Variants in ADAMTS2 observed in about 807,000 individuals in gnomAD.
ADAMTS2 encodes ADAM metallopeptidase with thrombospondin type 1 motif 2, also known as A disintegrin and metalloproteinase with thrombospondin motifs 2.
ADAMTS2 carries 50 observed loss-of-function variants against 123.0 expected under a neutral mutation model. The ratio of observed to expected loss-of-function variants is 0.41; its 90% CI spans 0.32 to 0.51. The LOEUF (loss-of-function observed/expected upper bound fraction) is 0.51, where lower values mean the gene tolerates loss of function less well. Ranked by LOEUF, ADAMTS2 falls within the 20% of genes least tolerant of loss-of-function variation. The pLI, the probability that ADAMTS2 is intolerant of heterozygous loss-of-function variation, is 0.35. For synonymous variants in ADAMTS2, 678 were observed against 695.4 expected (o/e 0.98, Z 0.39); for missense variants, 1,494 against 1,705.2 (o/e 0.88, Z 2.18).
Position 179,125,017 on chromosome 5 carries a change from G to C in ADAMTS2, c.2914C>G (p.Arg972Gly), listed in dbSNP as rs867846785. 1 of 1,556,274 alleles carries C rather than the reference G, an allele frequency of 6.4e-7. No homozygotes were observed. The highest frequency in any genetic ancestry group is 2.5e-5 in the East Asian group (1 of 40,646). Residue 972 changes from arginine to glycine, a missense_variant, in exon 19 of 22, where the codon CGC (arginine) becomes GGC (glycine). Arg to Gly is a moderately radical substitution (Grantham distance 125, BLOSUM62 -2). Around this residue, in one of 6 missense-constraint regions of ADAMTS2, gnomAD observed 953 missense variants for 1,124.7 expected, o/e 0.85. Transcript: ENST00000251582. ...CGCCAACGACCAGGGCAGAGCTCGC[G>C]GCTGCAGGCCCGGCGGCTCTCGGGC... ...ARPESRRACS[R>G]ELCPGRWRAG...
At position 179,175,495 on chromosome 5, in the gene ADAMTS2, C is replaced by T. The variant is rs781235448; in HGVS notation, c.975+5577G>A. 1.2e-3 allele frequency among the ~76,000 whole-genome samples: 186 copies of T among 152,346 alleles called. No individual in the cohort carries two copies. The highest frequency in any genetic ancestry group is 2.2e-3 in the Non-Finnish European group (150 of 68,038). On this transcript the variant is annotated intron_variant, in intron 5 of 21. Transcript: ENST00000251582. This position sits in a 1 kb window ranked among gnomAD's most constrained non-coding sequence, Gnocchi z 4.1. ...CAGGTACAATTTCCTTCCAATGGGT[C>T]CATTGTCTTGTCAGGACTATTCCAG... is the stretch of plus-strand genomic sequence containing the variant.
Position 179,164,761 on chromosome 5 carries a change from C to T in ADAMTS2, c.976-5882G>A, listed in dbSNP as rs1034413272. On this transcript the variant is annotated intron_variant, in intron 5 of 21. Coordinates refer to ENST00000251582, the MANE Select transcript of ADAMTS2 (RefSeq NM_014244.5). Reference sequence around the variant, plus strand: ...ATGTTAGGCCCATGGAGCACAGGTTCGAAAGGACTGAAAACTGGCTGAAGT... The same window carrying T: ...ATGTTAGGCCCATGGAGCACAGGTTTGAAAGGACTGAAAACTGGCTGAAGT... Among the ~76,000 whole-genome samples, 4 of 152,138 alleles carry T rather than the reference C, an allele frequency of 2.6e-5. No homozygotes were observed. In the East Asian group the frequency reaches 5.8e-4, roughly 22 times the overall value.
At chr5:179,211,681 G>T (rs1764852650) in intron 3 of ADAMTS2, among the ~76,000 whole-genome samples, 2 of 152,240 alleles carry the variant, frequency 1.3e-5, no homozygotes, top group African/African-American at 4.8e-5. Context: ...GGAGGCAGCA[G>T]TTCTGTCCAG....
rs937843684 is a variant in ADAMTS2 at position 179,155,559 on chromosome 5, C to T, written c.1133-640G>A. ...GTGCGGACTGGGAGGTCAGAGCCGC[C>T]GTAGAAGATGAGGCCAGTGGCCTAC... On this transcript the variant is annotated intron_variant, in intron 6 of 21. Coordinates refer to ENST00000251582, the MANE Select transcript of ADAMTS2 (RefSeq NM_014244.5). This position sits in a 1 kb window ranked among gnomAD's most constrained non-coding sequence, Gnocchi z 5.1. 2.6e-5 allele frequency among the ~76,000 whole-genome samples: 4 copies of T among 152,154 alleles called. No homozygotes were observed. Among genetic ancestry groups the T allele is most frequent in the African/African-American group, 4.8e-5 (2 of 41,442 alleles).
intron 2 of ADAMTS2, among the ~76,000 whole-genome samples, chr5:179,311,782 C>T (rs1489199526): frequency 1.3e-5 from 2 of 152,176 alleles, no homozygotes; most frequent in East Asian, 3.9e-4. Flanking sequence ...GGCTATCACC[C>T]CCCACTCGCC....
chr5:179,302,707 C>T (rs994434259), intron 2 of ADAMTS2, among the ~76,000 whole-genome samples: 10 of 151,742 alleles, frequency 6.6e-5, no homozygotes, highest in African/African-American at 1.7e-4. Flanking sequence ...GTGAGGACAA[C>T]AGCACAGAGT....
intron 3 of ADAMTS2, among the ~76,000 whole-genome samples, chr5:179,209,383 G>A (rs1377819598): frequency 2.6e-5 from 4 of 152,186 alleles, no homozygotes; most frequent in Non-Finnish European, 5.9e-5. Flanking sequence ...GGAGGTGCGA[G>A]GCGGAGGGTG....
At chr5:179,327,416 T>G (rs1463431918) in intron 2 of ADAMTS2, among the ~76,000 whole-genome samples, 2 of 152,186 alleles carry the variant, frequency 1.3e-5, no homozygotes, top group Non-Finnish European at 2.9e-5. Flanking sequence ...TCAGGGCATC[T>G]TTCAAAGACC....
At chr5:179,182,939 C>G (rs999790776) in intron 4 of ADAMTS2, among the ~76,000 whole-genome samples, 3 of 152,192 alleles carry the variant, frequency 2.0e-5, no homozygotes, top group Non-Finnish European at 4.4e-5. Context: ...CCCCAGGAAG[C>G]CTTGCCATTT....
chr5:179,153,099 G>A (rs1054364720), intron 9 of ADAMTS2, among the ~76,000 whole-genome samples: 5 of 152,226 alleles, frequency 3.3e-5, no homozygotes, highest in Non-Finnish European at 5.9e-5. Flanking sequence ...TGTGCCTGCC[G>A]CGCTCTCCTC....
chr5:179,211,769 G>A lies in ADAMTS2; in HGVS notation c.689-4054C>T, dbSNP rs1474661520. Among the ~76,000 whole-genome samples the A allele has an allele frequency of 5.3e-5, 8 of 152,314 alleles. No homozygotes were observed. In the East Asian group the frequency reaches 1.5e-3, roughly 29 times the overall value. The stretch of plus-strand genomic sequence containing the variant: ...GTGCCACAGTGCACAGGGCACGTGG[G>A]CAAGGGCTGCAACTGCCAGCATCCT... On this transcript the variant is annotated intron_variant, in intron 3 of 21. Transcript: ENST00000251582.
chr5:179,237,619 T>A (rs1366194257), intron 3 of ADAMTS2, among the ~76,000 whole-genome samples: 1 of 152,092 alleles, frequency 6.6e-6, no homozygotes, highest in African/African-American at 2.4e-5. Context: ...CTGGGGGAGA[T>A]GAGGCGATGT....
At chr5:179,145,154 G>A (rs182085593) in intron 10 of ADAMTS2, among the ~76,000 whole-genome samples, 4 of 152,132 alleles carry the variant, frequency 2.6e-5, no homozygotes, top group Non-Finnish European at 5.9e-5. Flanking sequence ...GTCATCATAG[G>A]TCACTAGGGA....
chr5:179,208,271 C>G (rs1168985836), intron 3 of ADAMTS2, among the ~76,000 whole-genome samples: 1 of 151,842 alleles, frequency 6.6e-6, no homozygotes, highest in African/African-American at 2.4e-5. Flanking sequence ...GAAACCGAGG[C>G]CCATCCTGGG....
chr5:179,265,262 A>G (rs1189981408), intron 3 of ADAMTS2, among the ~76,000 whole-genome samples: 1 of 152,242 alleles, frequency 6.6e-6, no homozygotes, highest in Non-Finnish European at 1.5e-5. Context: ...CCAAAGATCC[A>G]GGCCCTTGCC....
Position 179,181,932 on chromosome 5 carries a change from G to A in ADAMTS2, c.892-777C>T, listed in dbSNP as rs1230459257. ...CCAGAAACATAGGTCAGGTTATCCCGGGCTCGAGGCTGTCAGGGGCTTCCT... is the reference window on the plus strand; with the variant it reads ...CCAGAAACATAGGTCAGGTTATCCCAGGCTCGAGGCTGTCAGGGGCTTCCT... On this transcript the variant is annotated intron_variant, in intron 4 of 21. Coordinates refer to ENST00000251582, the MANE Select transcript of ADAMTS2 (RefSeq NM_014244.5). This position sits in a 1 kb window ranked among gnomAD's most constrained non-coding sequence, Gnocchi z 4.1. Among the ~76,000 whole-genome samples, 2 of 152,038 alleles carry A rather than the reference G, an allele frequency of 1.3e-5. No homozygotes were observed. Among genetic ancestry groups the A allele is most frequent in the South Asian group, 2.1e-4 (1 of 4,820 alleles).
intron 3 of ADAMTS2, among the ~76,000 whole-genome samples, chr5:179,223,239 C>A (rs928311360): frequency 6.6e-6 from 1 of 152,108 alleles, no homozygotes; most frequent in Non-Finnish European, 1.5e-5. Context: ...CACACACATG[C>A]ACGCAGTCAC....
At chr5:179,200,198 C>T (rs1764528752) in intron 4 of ADAMTS2, among the ~76,000 whole-genome samples, 1 of 149,856 alleles carries the variant, frequency 6.7e-6, no homozygotes, top group Admixed American at 6.6e-5. Flanking sequence ...GCATGTAATA[C>T]ATTGGCTCCT....
chr5:179,251,878 A>C lies in ADAMTS2; in HGVS notation c.688+21033T>G, dbSNP rs1287729536. Among the ~76,000 whole-genome samples the C allele has an allele frequency of 3.9e-5, 6 of 152,166 alleles. No individual in the cohort carries two copies. The East Asian group carries it at 1.2e-3, about 29-fold the overall frequency. ...TTTTTTTAATGCAGAGATTGTCTGC[A>C]GAATTACCTATTTTTGACTTATCTT... is the stretch of plus-strand genomic sequence containing the variant. On this transcript the variant is annotated intron_variant, in intron 3 of 21. Coordinates refer to ENST00000251582, the MANE Select transcript of ADAMTS2 (RefSeq NM_014244.5).
Sources: allele counts gnomAD v4.1 joint callset (sites outside exome capture counted in the v4.1 genomes callset), GRCh38; gene constraint gnomAD v4.1.1; regional missense constraint gnomAD v4.1.1; non-coding constraint Gnocchi (gnomAD v3.1); transcripts MANE v1.5; gene names NCBI Gene and HGNC (gene_info 2026-07-23, HGNC 2026-07-21).